The following KIF6 variants were observed in gnomAD, a reference collection of about 807,000 sequenced individuals.
The protein encoded by KIF6 is kinesin-like protein KIF6.
KIF6 carries 106 observed loss-of-function variants against 112.7 expected under a neutral mutation model. That is an observed-to-expected ratio of 0.94 (90% CI 0.80 to 1.11). KIF6 has a LOEUF of 1.11. KIF6 is among the 50% of genes least tolerant of loss of function. The pLI is 0.00. For synonymous variants in KIF6, 339 were observed against 339.9 expected (o/e 1.00, Z 0.03); for missense variants, 929 against 964.0 (o/e 0.96, Z 0.48).
chr6:39,355,916 A>G (rs192436596), intron 19 of KIF6, among the ~76,000 whole-genome samples: 12 of 152,148 alleles, frequency 7.9e-5, no homozygotes, highest in Admixed American at 7.9e-4. Context: ...ATTTGCCACA[A>G]TCACTGAACC....
intron 7 of KIF6, among the ~76,000 whole-genome samples, chr6:39,590,946 C>G (rs966632475): frequency 2.6e-5 from 4 of 152,160 alleles, no homozygotes; most frequent in African/African-American, 9.7e-5. Flanking sequence ...TATATCTCAG[C>G]TATATCTTCC....
intron 5 of KIF6, among the ~76,000 whole-genome samples, chr6:39,632,299 C>A (rs1386458631): frequency 6.6e-6 from 1 of 152,126 alleles, no homozygotes; most frequent in Non-Finnish European, 1.5e-5. Flanking sequence ...TATTGTGCAG[C>A]ACCAACATGA....
In KIF6 at chr6:39,421,672, A is replaced by G. The variant is rs146218816; in HGVS notation, c.1755-1669T>C. Among the ~76,000 whole-genome samples, 607 of 152,310 alleles carry G rather than the reference A, an allele frequency of 4.0e-3. 2 individuals carry two copies. Among genetic ancestry groups the G allele is most frequent in the African/African-American group, 0.013 (561 of 41,578 alleles). ...CAGGAGGTTTCCAGGGAAGGGGACTAAAGTTTTTCTCAATGTTAGTTTCTT... is the reference window on the plus strand; with the variant it reads ...CAGGAGGTTTCCAGGGAAGGGGACTGAAGTTTTTCTCAATGTTAGTTTCTT... On this transcript the variant is annotated intron_variant, in intron 14 of 22. Coordinates refer to ENST00000287152, the MANE Select transcript of KIF6 (RefSeq NM_145027.6).
intron 10 of KIF6, among the ~76,000 whole-genome samples, chr6:39,559,806 T>C (rs1273765887): frequency 6.6e-6 from 1 of 151,886 alleles, no homozygotes; most frequent in Non-Finnish European, 1.5e-5. Flanking sequence ...TGAAAACCTT[T>C]GAGGTTGTGT....
chr6:39,359,261 C>T (rs183984855), intron 18 of KIF6, among the ~76,000 whole-genome samples: 1 of 152,274 alleles, frequency 6.6e-6, no homozygotes, highest in East Asian at 1.9e-4. Context: ...TCCGCTGTGC[C>T]ACAACTGAGG....
chr6:39,649,483 G>A (rs1390145280), intron 3 of KIF6, among the ~76,000 whole-genome samples: 1 of 152,180 alleles, frequency 6.6e-6, no homozygotes, highest in African/African-American at 2.4e-5. Context: ...TTAAACTAGA[G>A]TCACAAAGAA....
intron 9 of KIF6, among the ~76,000 whole-genome samples, chr6:39,582,683 G>A (rs1467650906): frequency 3.3e-5 from 5 of 152,080 alleles, no homozygotes; most frequent in Non-Finnish European, 7.4e-5. Flanking sequence ...CCAAAGTGCT[G>A]GGATTACAGG....
chr6:39,406,929 T>A (rs371887521), intron 15 of KIF6, among the ~76,000 whole-genome samples: 120 of 151,974 alleles, frequency 7.9e-4, no homozygotes, highest in African/African-American at 2.8e-3. Context: ...AACTTTTTTC[T>A]TTTTTTTGGT....
chr6:39,364,526 A>G (rs1765418340), intron 16 of KIF6, among the ~76,000 whole-genome samples: 1 of 152,066 alleles, frequency 6.6e-6, no homozygotes, highest in South Asian at 2.1e-4. Context: ...TTGACATAAT[A>G]CTTCCATGGG....
At chr6:39,645,701 C>G (rs1367658638) in intron 3 of KIF6, among the ~76,000 whole-genome samples, 1 of 152,016 alleles carries the variant, frequency 6.6e-6, no homozygotes, top group Non-Finnish European at 1.5e-5. Context: ...CCCTCTTTTT[C>G]TATTGATTGG....
Position 39,407,681 on chromosome 6 carries a change from G to C in KIF6, c.1810+12267C>G, listed in dbSNP as rs141970984. ...CCTCATTACGAAACATATATTTTCA[G>C]CAGTAAACTCATCAGACTTGTGGTC... is the stretch of plus-strand genomic sequence containing the variant. On this transcript the variant is annotated intron_variant, in intron 15 of 22. Coordinates refer to ENST00000287152, the MANE Select transcript of KIF6 (RefSeq NM_145027.6). 4.8e-3 allele frequency among the ~76,000 whole-genome samples: 730 copies of C among 152,284 alleles called. 4 individuals carry two copies. The highest frequency in any genetic ancestry group is 0.013 in the African/African-American group (532 of 41,548).
At chr6:39,349,297 C>T (rs1329533739) in intron 19 of KIF6, among the ~76,000 whole-genome samples, 1 of 152,076 alleles carries the variant, frequency 6.6e-6, no homozygotes, top group Non-Finnish European at 1.5e-5. Context: ...AGGCCTTGCC[C>T]AGGGGCTACT....
chr6:39,528,504 G>A lies in KIF6; in HGVS notation c.1645+11499C>T, dbSNP rs186511135. On this transcript the variant is annotated intron_variant, in intron 13 of 22. Transcript: ENST00000287152. ...TTTCAAATCCAGAAGTGGCATTACT[G>A]GATCATATAGTAATTCTATTTCTAG... Among the ~76,000 whole-genome samples, 182 of 152,216 alleles carry A rather than the reference G, an allele frequency of 1.2e-3. 1 individual carries two copies. Among genetic ancestry groups the A allele is most frequent in the South Asian group, 3.1e-3 (15 of 4,822 alleles).
At chr6:39,420,084 C>A in intron 14 of KIF6, 81 bp from the exon 15 acceptor site, 8 of 927,510 alleles carry the variant, frequency 8.6e-6, no homozygotes, top group Non-Finnish European at 8.5e-6. Context: ...TCTTAGAGGT[C>A]ACTAAAATAT....
chr6:39,444,039 T>C (rs976361903), intron 13 of KIF6, among the ~76,000 whole-genome samples: 1 of 152,226 alleles, frequency 6.6e-6, no homozygotes, highest in South Asian at 2.1e-4. Context: ...CTGATGCTTA[T>C]TGAGAACTTT....
chr6:39,689,415 G>A (rs1421307971), intron 3 of KIF6, among the ~76,000 whole-genome samples: 1 of 151,934 alleles, frequency 6.6e-6, no homozygotes, highest in Admixed American at 6.6e-5. Context: ...AGGATCGCCT[G>A]AGCGTGGGGA....
At chr6:39,366,836 G>C (rs1261630183) in intron 16 of KIF6, among the ~76,000 whole-genome samples, 2 of 152,128 alleles carry the variant, frequency 1.3e-5, no homozygotes, top group African/African-American at 4.8e-5. Context: ...AGAGAGATGG[G>C]AGTATTTTGA....
In KIF6 at chr6:39,339,721, C is replaced by A. The variant is rs977768466; in HGVS notation, c.2429-3173G>T. On this transcript the variant is annotated intron_variant, in intron 22 of 22. Coordinates refer to ENST00000287152, the MANE Select transcript of KIF6 (RefSeq NM_145027.6). Reference sequence around the variant, plus strand: ...ACAGCAGAGTTGACTCCACGGATGACTGATGCCCCTTACGGGTGTTATATA... The same window carrying A: ...ACAGCAGAGTTGACTCCACGGATGAATGATGCCCCTTACGGGTGTTATATA... 1.3e-5 allele frequency among the ~76,000 whole-genome samples: 2 copies of A among 152,228 alleles called. 1 individual carries two copies. Among genetic ancestry groups the A allele is most frequent in the Non-Finnish European group, 2.9e-5 (2 of 68,044 alleles).
At chr6:39,490,381 T>C (rs1775405854) in intron 13 of KIF6, among the ~76,000 whole-genome samples, 1 of 152,224 alleles carries the variant, frequency 6.6e-6, no homozygotes, top group Non-Finnish European at 1.5e-5. Context: ...TTAACACATC[T>C]TTATTGGTGA....
Sources: gnomAD v4.1 joint callset for allele counts (sites outside exome capture counted in the v4.1 genomes callset) on GRCh38, gnomAD v4.1.1 for gene constraint, MANE v1.5 for transcripts, NCBI Gene and HGNC (gene_info 2026-07-23, HGNC 2026-07-21) for gene names.